The following TENM2 variants were observed in gnomAD, a reference collection of about 807,000 sequenced individuals.
TENM2 encodes teneurin transmembrane protein 2.
In TENM2, 52 loss-of-function variants were observed where a neutral mutation model predicts 245.2. The ratio of observed to expected loss-of-function variants is 0.21; its 90% CI spans 0.17 to 0.27. TENM2 has a LOEUF of 0.27. Ranked by LOEUF, TENM2 falls within the 10% of genes least tolerant of loss-of-function variation. The pLI is 1.00. For missense variants in TENM2, 3,046 were observed against 3,666.8 expected (o/e 0.83, Z 4.37); for synonymous variants, 1,363 against 1,438.9 (o/e 0.95, Z 1.19).
At chr5:168,133,094 A>G (rs151094596) in intron 12 of TENM2, among the ~76,000 whole-genome samples, 1 of 152,218 alleles carries the variant, frequency 6.6e-6, no homozygotes, top group Non-Finnish European at 1.5e-5. Context: ...CCATGTGGCA[A>G]ATGAAAGGGT....
chr5:168,173,204 A>G (rs2152473682), intron 13 of TENM2, among the ~76,000 whole-genome samples: 1 of 152,282 alleles, frequency 6.6e-6, no homozygotes, highest in African/African-American at 2.4e-5. Context: ...CAGATGCAAA[A>G]AGGCTAAACT....
intron 3 of TENM2, among the ~76,000 whole-genome samples, chr5:167,942,902 C>G (rs1779301568): frequency 6.6e-6 from 1 of 152,110 alleles, no homozygotes; most frequent in South Asian, 2.1e-4. Flanking sequence ...GATGTTTCTC[C>G]AGATATTTGA....
intron 2 of TENM2, among the ~76,000 whole-genome samples, chr5:167,539,191 C>A (rs747126646): frequency 6.6e-6 from 1 of 151,960 alleles, no homozygotes; most frequent in Non-Finnish European, 1.5e-5. Context: ...CTTTCAGAAC[C>A]AAGTATGTTT....
intron 2 of TENM2, among the ~76,000 whole-genome samples, chr5:167,481,662 A>C (rs1360927648): frequency 6.6e-6 from 1 of 152,186 alleles, no homozygotes; most frequent in Non-Finnish European, 1.5e-5. Context: ...ATAAGTATGA[A>C]ATAGAAGCTC....
At chr5:167,248,782 G>GTA in the TENM2 span, among the ~76,000 whole-genome samples, 150 of 109,364 alleles carry the variant, frequency 1.4e-3, no homozygotes, top group African/African-American at 4.2e-3. Flanking sequence ...ATATATGTGT[G>GTA]TATATATATA....
At chr5:167,131,395 G>A in the TENM2 span, among the ~76,000 whole-genome samples, 2 of 152,272 alleles carry the variant, frequency 1.3e-5, no homozygotes, top group Middle Eastern at 3.4e-3. Flanking sequence ...TTTGCTACCT[G>A]TCCAGATTGA....
At chr5:168,143,918 C>T (rs1017674382) in intron 12 of TENM2, among the ~76,000 whole-genome samples, 12 of 143,332 alleles carry the variant, frequency 8.4e-5, no homozygotes, top group Non-Finnish European at 1.3e-4. Context: ...GGCGCGATCT[C>T]GGCTCACTGC....
intron 2 of TENM2, among the ~76,000 whole-genome samples, chr5:167,730,953 GT>G (rs1469147190): frequency 6.6e-6 from 1 of 152,144 alleles, no homozygotes; most frequent in African/African-American, 2.4e-5. Flanking sequence ...CATTGGTTCA[GT>G]TATAAGACAC....
In TENM2 at chr5:167,697,966, G is replaced by C. The variant is rs147856248; in HGVS notation, c.503-178020G>C. On this transcript the variant is annotated intron_variant, in intron 2 of 28. Coordinates refer to ENST00000518659, the Ensembl canonical transcript of TENM2. ...AACTTGAAATATAATCGCCTGACAA[G>C]GTATCCCTCTAAGTGATTAAATTTC... is the stretch of plus-strand genomic sequence containing the variant. Among the ~76,000 whole-genome samples the C allele has an allele frequency of 2.6e-5, 4 of 152,286 alleles. No homozygotes were observed. In the East Asian group the frequency reaches 5.8e-4, roughly 22 times the overall value.
intron 2 of TENM2, among the ~76,000 whole-genome samples, chr5:167,454,285 C>G (rs1200943425): frequency 6.6e-6 from 1 of 152,116 alleles, no homozygotes. Flanking sequence ...TATTGCTGTA[C>G]TAGTCAGGAT....
At chr5:167,977,354 T>TTAAAATAA (rs1358559120) in intron 4 of TENM2, among the ~76,000 whole-genome samples, 1 of 152,186 alleles carries the variant, frequency 6.6e-6, no homozygotes, top group East Asian at 1.9e-4. Context: ...AAGAAAAGTA[T>TTAAAATAA]GTCTATCACA....
At chr5:167,497,559 A>G (rs1768898243) in intron 2 of TENM2, among the ~76,000 whole-genome samples, 1 of 151,912 alleles carries the variant, frequency 6.6e-6, no homozygotes, top group Non-Finnish European at 1.5e-5. Context: ...GGAGGCATAC[A>G]CCCCATTGCT....
the TENM2 span, among the ~76,000 whole-genome samples, chr5:167,232,129 A>G: frequency 0.21 from 31,621 of 152,052 alleles, 3,836 homozygotes; most frequent in African/African-American, 0.34. Context: ...GCCTGCAAGG[A>G]TGGAGCACTC....
chr5:167,360,220 T>C (rs923090197), intron 1 of TENM2, among the ~76,000 whole-genome samples: 5 of 152,230 alleles, frequency 3.3e-5, no homozygotes, highest in African/African-American at 1.2e-4. Context: ...TTACTGTAGA[T>C]AAGGCACTGT....
chr5:167,894,999 A>G (rs1195189437), intron 3 of TENM2, among the ~76,000 whole-genome samples: 1 of 122,500 alleles, frequency 8.2e-6, no homozygotes, highest in African/African-American at 3.0e-5. Context: ...GGAGGGAAGG[A>G]AGGAAGGAAG....
Position 167,749,456 on chromosome 5 carries a change from G to A in TENM2, c.503-126530G>A, listed in dbSNP as rs540405565. ...AGTTCAAGACCAGCCTGGCCAACTT[G>A]ATGAAACCCTGCCTCTACTAAAAAT... On this transcript the variant is annotated intron_variant, in intron 2 of 28. Transcript: ENST00000518659. Among the ~76,000 whole-genome samples the A allele has an allele frequency of 2.1e-3, 315 of 152,186 alleles. 2 individuals carry two copies. Among genetic ancestry groups the A allele is most frequent in the Non-Finnish European group, 3.0e-3 (202 of 67,978 alleles).
chr5:168,110,116 C>T (rs190905033), intron 9 of TENM2, among the ~76,000 whole-genome samples: 11 of 150,018 alleles, frequency 7.3e-5, no homozygotes, highest in Admixed American at 6.7e-4. Context: ...AATGTCTAAC[C>T]CTAGGGAAAC....
Position 167,610,376 on chromosome 5 carries a change from A to G in TENM2, c.502+234903A>G, listed in dbSNP as rs557027574. Reference sequence around the variant, plus strand: ...GCCATTGTTGACCGACTCAACCTTCAGCCCTTCTCCTCTCTCCAGGGGTTG... The same window carrying G: ...GCCATTGTTGACCGACTCAACCTTCGGCCCTTCTCCTCTCTCCAGGGGTTG... On this transcript the variant is annotated intron_variant, in intron 2 of 28. Transcript: ENST00000518659. Among the ~76,000 whole-genome samples the G allele has an allele frequency of 2.0e-5, 3 of 152,216 alleles. 1 individual carries two copies. The highest frequency in any genetic ancestry group is 2.0e-4 in the Admixed American group (3 of 15,280).
intron 2 of TENM2, among the ~76,000 whole-genome samples, chr5:167,594,086 TA>T (rs1776047159): frequency 6.6e-6 from 1 of 152,206 alleles, no homozygotes; most frequent in Non-Finnish European, 1.5e-5. Flanking sequence ...GAACATTGTA[TA>T]AAATTGAAGC....
Sources: gnomAD v4.1 joint callset for allele counts (sites outside exome capture counted in the v4.1 genomes callset) on GRCh38, gnomAD v4.1.1 for gene constraint, MANE v1.5 for transcripts, NCBI Gene and HGNC (gene_info 2026-07-23, HGNC 2026-07-21) for gene names.